The following LRBA variants were observed in gnomAD, a reference collection of about 807,000 sequenced individuals.
The protein encoded by LRBA is lipopolysaccharide-responsive and beige-like anchor protein.
Under a neutral mutation model 330.0 loss-of-function variants are expected in LRBA, and 176 were observed. The ratio of observed to expected loss-of-function variants is 0.53; its 90% CI spans 0.47 to 0.60. The LOEUF is 0.60. Among genes scored for constraint, LRBA ranks in the 20% least tolerant of loss-of-function variants. The pLI, the probability that LRBA is intolerant of heterozygous loss-of-function variation, is 0.00. For missense variants in LRBA, 3,259 were observed against 3,444.8 expected, an observed-to-expected ratio of 0.95 and a Z score of 1.35; for synonymous variants, 1,230 against 1,193.0, an observed-to-expected ratio of 1.03 and a Z score of -0.64.
chr4:150,270,669 T>G (rs545727300), intron 56 of LRBA, among the ~76,000 whole-genome samples: 327 of 152,292 alleles, frequency 2.1e-3, no homozygotes, highest in Middle Eastern at 0.014. Flanking sequence ...ATGGAAAATA[T>G]TATATGTTGC....
In LRBA at chr4:150,683,583, G is replaced by T; in HGVS notation, c.5889C>A (p.Asp1963Glu). Residue 1963 changes from aspartate to glutamate, a missense_variant, in exon 37 of 57, where the codon GAC becomes GAA. By Grantham distance (45) the Asp-to-Glu change is conservative. Transcript: ENST00000651943. ...CAGAATTTCCCCAGGCTCCATGCTT[G>T]TCTGTGAGAATGTTGATAATTTTCT... ...LIQKIINILTDKHGAWGNSAV... is the reference protein window; with the variant it reads ...LIQKIINILTEKHGAWGNSAV... The T allele has an allele frequency of 6.2e-7, 1 of 1,613,884 alleles. No homozygotes were observed.
At chr4:150,288,071 C>A (rs1040182960) in intron 53 of LRBA, among the ~76,000 whole-genome samples, 1 of 151,774 alleles carries the variant, frequency 6.6e-6, no homozygotes, top group African/African-American at 2.4e-5. Flanking sequence ...GACTCACTGC[C>A]AGCTCCGCCT....
chr4:150,775,359 C>T (rs1447819195), intron 34 of LRBA, among the ~76,000 whole-genome samples: 6 of 151,978 alleles, frequency 3.9e-5, no homozygotes, highest in Non-Finnish European at 8.8e-5. Flanking sequence ...AGCCTTACTA[C>T]ATCCCCAGTG....
chr4:150,692,986 C>G (rs1304043356), intron 36 of LRBA, among the ~76,000 whole-genome samples: 2 of 152,122 alleles, frequency 1.3e-5, no homozygotes, highest in East Asian at 3.8e-4. Context: ...GTGCATTATT[C>G]ATAATAGCTA....
At chr4:150,868,443 A>G (rs928010116) in intron 20 of LRBA, 138 bp from the exon 21 acceptor site, 9 of 468,588 alleles carry the variant, frequency 1.9e-5, no homozygotes, top group African/African-American at 3.9e-5. Context: ...TATTAAAAAA[A>G]ATCACCTCTG....
At position 150,583,428 on chromosome 4, in the gene LRBA, G is replaced by A. The variant is rs1196549170; in HGVS notation, c.6330+4620C>T. On this transcript the variant is annotated intron_variant, in intron 40 of 56. Transcript: ENST00000651943. The surrounding 1 kb of genome is among the most constrained non-coding windows in gnomAD (Gnocchi z 9.8). ...CGCGTAAGATCCGCTCGCGTTTCCA[G>A]ACGCTGGTGGCCCAGGCGGTGGACA... is the stretch of plus-strand genomic sequence containing the variant. 6 of 1,613,936 alleles carry A rather than the reference G, an allele frequency of 3.7e-6. No homozygotes were observed. Among genetic ancestry groups the A allele is most frequent in the Non-Finnish European group, 1.7e-6 (2 of 1,180,034 alleles).
chr4:150,470,754 T>A, intron 43 of LRBA, among the ~76,000 whole-genome samples: 1 of 152,174 alleles, frequency 6.6e-6, no homozygotes, highest in Middle Eastern at 3.4e-3. Context: ...CAGCTGCATA[T>A]CAAATGGTTG....
At chr4:150,325,275 A>C (rs903196412) in intron 49 of LRBA, among the ~76,000 whole-genome samples, 1 of 152,168 alleles carries the variant, frequency 6.6e-6, no homozygotes, top group Non-Finnish European at 1.5e-5. Flanking sequence ...TCTAACCCTC[A>C]GAATCATGAG....
chr4:150,312,106 TCAG>T lies in LRBA; in HGVS notation c.7694-1725_7694-1723del, dbSNP rs1329229431. 5.9e-5 allele frequency among the ~76,000 whole-genome samples: 9 copies of T among 152,212 alleles called. No individual in the cohort carries two copies. In the South Asian group the frequency reaches 1.7e-3, roughly 28 times the overall value. On this transcript the variant is annotated intron_variant, in intron 51 of 56. Coordinates refer to ENST00000651943, the MANE Select transcript of LRBA (RefSeq NM_001364905.1). The stretch of plus-strand genomic sequence containing the variant: ...ATTGGGATGATCTCTTGGGAGGACC[TCAG>T]CAGATTTGGGCATGTACATAATTTT...
chr4:150,730,396 G>A (rs1172873899), intron 36 of LRBA, among the ~76,000 whole-genome samples: 2 of 152,114 alleles, frequency 1.3e-5, no homozygotes, highest in Non-Finnish European at 2.9e-5. Context: ...ATGAAAAGGT[G>A]TTCAGGCCGG....
chr4:150,864,644 C>CTTTTTTT (rs34280757), intron 22 of LRBA, among the ~76,000 whole-genome samples: 4 of 118,454 alleles, frequency 3.4e-5, no homozygotes, highest in African/African-American at 9.4e-5. Context: ...GGCCCACGTT[C>CTTTTTTT]TTTTTTTTTT....
chr4:150,422,914 T>C, intron 46 of LRBA: 1 of 814,220 alleles, frequency 1.2e-6, no homozygotes, highest in Non-Finnish European at 2.2e-6. Flanking sequence ...AGAAAGGGGA[T>C]GGATGCCAGC....
At chr4:150,357,611 G>A (rs1738042234) in intron 47 of LRBA, among the ~76,000 whole-genome samples, 1 of 149,852 alleles carries the variant, frequency 6.7e-6, no homozygotes, top group Non-Finnish European at 1.5e-5. Flanking sequence ...ATACAGATAT[G>A]CTAAACTAAT....
At chr4:150,963,307 T>C (rs1738385153) in intron 2 of LRBA, among the ~76,000 whole-genome samples, 1 of 149,220 alleles carries the variant, frequency 6.7e-6, no homozygotes, top group Admixed American at 6.6e-5. Flanking sequence ...TGCCTCAGCC[T>C]GCCGAGTGCC....
At chr4:150,720,117 G>A (rs1158685166) in intron 36 of LRBA, among the ~76,000 whole-genome samples, 1 of 152,086 alleles carries the variant, frequency 6.6e-6, no homozygotes, top group East Asian at 1.9e-4. Flanking sequence ...AATGGAGAGG[G>A]AAATAAGTCA....
intron 36 of LRBA, among the ~76,000 whole-genome samples, chr4:150,706,575 G>T (rs1785643072): frequency 6.6e-6 from 1 of 150,396 alleles, no homozygotes; most frequent in South Asian, 2.1e-4. Context: ...TGAGATCCAT[G>T]AGAGAAAATA....
chr4:150,750,034 TA>T (rs906313893), intron 35 of LRBA, among the ~76,000 whole-genome samples: 1 of 152,202 alleles, frequency 6.6e-6, no homozygotes, highest in African/African-American at 2.4e-5. Flanking sequence ...TTCCTTGCCT[TA>T]AAATGTTGTG....
chr4:150,765,198 A>G (rs940463912), intron 34 of LRBA, among the ~76,000 whole-genome samples: 3 of 152,074 alleles, frequency 2.0e-5, no homozygotes, highest in Non-Finnish European at 2.9e-5. Context: ...TTTCTACTAT[A>G]TGACATTTTG....
intron 32 of LRBA, among the ~76,000 whole-genome samples, chr4:150,808,058 TA>T (rs1369052418): frequency 6.6e-6 from 1 of 152,214 alleles, no homozygotes; most frequent in Non-Finnish European, 1.5e-5. Flanking sequence ...ATGCAGCAAT[TA>T]TTTTTTTACC....
Sources: gnomAD v4.1 joint callset for allele counts (sites outside exome capture counted in the v4.1 genomes callset) on GRCh38, gnomAD v4.1.1 for gene constraint, Gnocchi (gnomAD v3.1) non-coding constraint, MANE v1.5 for transcripts, NCBI Gene and HGNC (gene_info 2026-07-23, HGNC 2026-07-21) for gene names.